COA8: variants seen among roughly 807,000 people sequenced by gnomAD.
COA8 encodes the protein UPF0671 protein C14orf153.
In COA8, 20 loss-of-function variants were observed where a neutral mutation model predicts 22.0. That is an observed-to-expected ratio of 0.91 (90% CI 0.64 to 1.32). The LOEUF is 1.32. Among genes scored for constraint, COA8 ranks in the 40% most tolerant of loss-of-function variants. COA8 has a pLI of 0.00. For missense variants in COA8, 266 were observed against 230.0 expected (o/e 1.16, Z -1.01); for synonymous variants, 105 against 79.9 (o/e 1.31, Z -1.68).
intron 1 of COA8, among the ~76,000 whole-genome samples, chr14:103,568,818 G>A (rs982519167): frequency 3.9e-5 from 6 of 151,996 alleles, no homozygotes; most frequent in African/African-American, 1.5e-4. Flanking sequence ...TTTAAGTAGA[G>A]GCGGGGTTTC....
At chr14:103,574,617 C>CA in intron 3 of COA8, 1 of 354,052 alleles carries the variant, frequency 2.8e-6, no homozygotes, top group Non-Finnish European at 5.5e-6. Context: ...ATAGAAAATC[C>CA]AAAATCATCG....
At chr14:103,574,767 G>T (rs2076218263) in intron 3 of COA8, 1 of 288,508 alleles carries the variant, frequency 3.5e-6, no homozygotes, top group Non-Finnish European at 6.7e-6. Context: ...CTGGCTGCTG[G>T]AGAGGTGGGG....
intron 3 of COA8, among the ~76,000 whole-genome samples, chr14:103,579,069 A>G (rs546579894): frequency 5.9e-5 from 9 of 152,342 alleles, no homozygotes; most frequent in African/African-American, 2.2e-4. Flanking sequence ...GCTGGCCTCA[A>G]GCAGTCTTCC....
intron 2 of COA8, among the ~76,000 whole-genome samples, chr14:103,573,550 T>C (rs187650217): frequency 6.6e-6 from 1 of 151,914 alleles, no homozygotes; most frequent in Non-Finnish European, 1.5e-5. Flanking sequence ...GGGTTTTTTT[T>C]GTTGTTGTTG....
intron 1 of COA8, chr14:103,563,453 G>T (rs2076108246): frequency 2.2e-6 from 1 of 456,112 alleles, no homozygotes; most frequent in Non-Finnish European, 4.1e-6. Flanking sequence ...GGCTTACCGT[G>T]CGTTTTTTTT....
intron 4 of COA8, among the ~76,000 whole-genome samples, chr14:103,589,248 G>A (rs943697259): frequency 3.3e-5 from 5 of 152,176 alleles, no homozygotes; most frequent in African/African-American, 1.2e-4. Flanking sequence ...TTGAAGAACT[G>A]TAATCCCCAT....
At chr14:103,563,557 C>A (rs1216239876) in intron 1 of COA8, among the ~76,000 whole-genome samples, 1 of 152,132 alleles carries the variant, frequency 6.6e-6, no homozygotes, top group East Asian at 1.9e-4. Flanking sequence ...TAGCACTTCA[C>A]GTTGAATAGT....
chr14:103,563,030 C>T lies in COA8; in HGVS notation c.29C>T (p.Thr10Ile), dbSNP rs755080050. Residue 10 changes from threonine to isoleucine, a missense_variant, in exon 1 of 5, where the codon ACC becomes ATC. Physicochemically the swap from Thr to Ile is moderately conservative, Grantham distance 89. Transcript: ENST00000409074. Reference sequence around the variant, plus strand: ...GTGGTCTTGCGGGCGGGGAAGAAGACCTTTCTCCCCCCTCTCTGCCGCGCC... The same window carrying T: ...GTGGTCTTGCGGGCGGGGAAGAAGATCTTTCTCCCCCCTCTCTGCCGCGCC... MVVLRAGKK[T>I]FLPPLCRAFA... is the part of the protein sequence containing the mutation. 6 of 1,551,392 alleles carry T rather than the reference C, an allele frequency of 3.9e-6. No homozygotes were observed. Among genetic ancestry groups the T allele is most frequent in the East Asian group, 2.3e-5 (1 of 42,650 alleles).
chr14:103,577,890 G>A (rs993116519), intron 3 of COA8, among the ~76,000 whole-genome samples: 3 of 151,968 alleles, frequency 2.0e-5, no homozygotes, highest in Non-Finnish European at 4.4e-5. Flanking sequence ...CAGTCGTGGT[G>A]ATGCATGCCT....
chr14:103,580,139 C>T lies in COA8; in HGVS notation c.385+5969C>T, dbSNP rs896797530. 5.9e-5 allele frequency among the ~76,000 whole-genome samples: 9 copies of T among 152,074 alleles called. 1 individual carries two copies. In the South Asian group the frequency reaches 1.0e-3, roughly 18 times the overall value. ...CCACTCAGGCTGGAGTGCAGTGGCG[C>T]GATCGTGGCTCCCTGGAGCTTCAAC... On this transcript the variant is annotated intron_variant, in intron 3 of 4. Coordinates refer to ENST00000409074, the MANE Select transcript of COA8 (RefSeq NM_001370595.2).
chr14:103,590,473 C>A lies in COA8; in HGVS notation c.*187C>A. ...TGGGCCGCCTGCCTGCTGATGTGGG[C>A]TCTAGGCCAGCTTGTTGTCACGTAC... On this transcript the variant is annotated 3_prime_UTR_variant, in exon 5 of 5. Coordinates refer to ENST00000409074, the MANE Select transcript of COA8 (RefSeq NM_001370595.2). The A allele has an allele frequency of 1.8e-6, 1 of 561,110 alleles. No individual in the cohort carries two copies. The highest frequency in any genetic ancestry group is 4.8e-4 in the Middle Eastern group (1 of 2,070). 34.8% of individuals were successfully genotyped at this position (561,110 alleles called of 1,614,324 possible). A position where few individuals can be genotyped will look rare whatever the true frequency, so the allele number is the denominator to read the frequency against.
At chr14:103,578,133 G>A (rs2076242663) in intron 3 of COA8, among the ~76,000 whole-genome samples, 1 of 151,876 alleles carries the variant, frequency 6.6e-6, no homozygotes, top group Non-Finnish European at 1.5e-5. Context: ...GGTGGAGGCT[G>A]CAGTGAGCCG....
intron 4 of COA8, among the ~76,000 whole-genome samples, chr14:103,588,572 G>A (rs749408720): frequency 6.6e-6 from 1 of 152,028 alleles, no homozygotes; most frequent in African/African-American, 2.4e-5. Flanking sequence ...GGCCAGGCAC[G>A]GTAGCTCACA....
At chr14:103,588,116 CAAAAAAAAAAAA>C (rs1221577064) in intron 4 of COA8, 9 of 64,662 alleles carry the variant, frequency 1.4e-4, no homozygotes, top group African/African-American at 3.6e-4. Flanking sequence ...AACTCCATCT[CAAAAAAAAAAAA>C]AAAAAAAAAA....
intron 3 of COA8, among the ~76,000 whole-genome samples, chr14:103,579,773 G>A (rs2076253771): frequency 6.7e-6 from 1 of 149,804 alleles, no homozygotes; most frequent in African/African-American, 2.4e-5. Context: ...GACCAGCCTG[G>A]CCAACAATGT....
intron 1 of COA8, among the ~76,000 whole-genome samples, chr14:103,571,104 A>C (rs2142282811): frequency 6.6e-6 from 1 of 152,308 alleles, no homozygotes; most frequent in East Asian, 1.9e-4. Context: ...ACCTTACCAG[A>C]ATTCAGACTC....
intron 1 of COA8, among the ~76,000 whole-genome samples, chr14:103,570,063 G>A (rs938348646): frequency 1.3e-5 from 2 of 152,046 alleles, no homozygotes; most frequent in African/African-American, 2.4e-5. Context: ...CACCATGTTG[G>A]TCAGGCTGGT....
rs1239784889 is a variant in COA8, at chr14:103,574,760, G to A, written c.385+590G>A. ...CCAGGACCTCTGTTGCTATTTGCTG[G>A]CTGCTGGAGAGGTGGGGTCTTGCGG... is the stretch of plus-strand genomic sequence containing the variant. On this transcript the variant is annotated intron_variant, in intron 3 of 4. Transcript: ENST00000409074. 1.0e-5 allele frequency: 3 copies of A among 288,890 alleles called. No homozygotes were observed. In the Admixed American group the frequency reaches 1.5e-4, roughly 14 times the overall value. 17.9% of individuals were successfully genotyped at this position (288,890 alleles called of 1,614,324 possible).
At chr14:103,566,995 C>T (rs1027741857) in intron 1 of COA8, among the ~76,000 whole-genome samples, 5 of 152,186 alleles carry the variant, frequency 3.3e-5, no homozygotes, top group African/African-American at 1.2e-4. Context: ...ACAGCCTCAA[C>T]CTCACTGGCT....
Sources: allele counts gnomAD v4.1 joint callset (sites outside exome capture counted in the v4.1 genomes callset), GRCh38; gene constraint gnomAD v4.1.1; transcripts MANE v1.5; gene names NCBI Gene and HGNC (gene_info 2026-07-23, HGNC 2026-07-21).